The following COBL variants were observed in gnomAD, a reference collection of about 807,000 sequenced individuals.
COBL encodes protein cordon-bleu.
Under a neutral mutation model 98.8 loss-of-function variants are expected in COBL, and 51 were observed. That is an observed-to-expected ratio of 0.52 (90% CI 0.41 to 0.65). The LOEUF (loss-of-function observed/expected upper bound fraction) is 0.65. COBL is among the 30% of genes least tolerant of loss of function. The pLI is 0.00. For missense variants in COBL, 1,617 were observed against 1,617.5 expected, an observed-to-expected ratio of 1.00 and a Z score of 0.01; for synonymous variants, 634 against 651.7, an observed-to-expected ratio of 0.97 and a Z score of 0.41.
chr7:51,058,478 G>T (rs1790985462), intron 7 of COBL, among the ~76,000 whole-genome samples: 1 of 151,976 alleles, frequency 6.6e-6, no homozygotes, highest in East Asian at 1.9e-4. Context: ...GCTTGAGCCT[G>T]GGAAATCGAG....
At chr7:51,267,152 C>T (rs911275915) in intron 1 of COBL, among the ~76,000 whole-genome samples, 4 of 152,182 alleles carry the variant, frequency 2.6e-5, no homozygotes, top group African/African-American at 9.6e-5. Flanking sequence ...AAATAAGTAT[C>T]TCATTTACTT....
intron 5 of COBL, among the ~76,000 whole-genome samples, chr7:51,154,712 T>A (rs1785938373): frequency 6.6e-6 from 1 of 152,150 alleles, no homozygotes; most frequent in Non-Finnish European, 1.5e-5. Flanking sequence ...AGGAGAGGAA[T>A]GGGCATGGGC....
intron 1 of COBL, among the ~76,000 whole-genome samples, chr7:51,256,657 C>A (rs1797229708): frequency 6.6e-6 from 1 of 152,188 alleles, no homozygotes; most frequent in Non-Finnish European, 1.5e-5. Context: ...TTTCACAGAT[C>A]CCAGGCAGAG....
At chr7:51,059,039 T>A (rs1365413831) in intron 7 of COBL, among the ~76,000 whole-genome samples, 1 of 152,180 alleles carries the variant, frequency 6.6e-6, no homozygotes, top group Non-Finnish European at 1.5e-5. Flanking sequence ...TGGGTGAGTA[T>A]AAGTGCACCT....
chr7:51,139,725 G>A (rs879851861), intron 5 of COBL, among the ~76,000 whole-genome samples: 6 of 152,176 alleles, frequency 3.9e-5, no homozygotes, highest in Non-Finnish European at 7.4e-5. Flanking sequence ...GAATTTGTGC[G>A]CAGAATTTAG....
At position 51,134,046 on chromosome 7, in the gene COBL, C is replaced by G. The variant is rs76206327; in HGVS notation, c.957+2112G>C. On this transcript the variant is annotated intron_variant, in intron 6 of 12. Coordinates refer to ENST00000265136, the MANE Select transcript of COBL (RefSeq NM_015198.5). Reference sequence around the variant, plus strand: ...ATGAACCTTTCCTCCTTGTTCAGGACACTGGTGTTAGTAACAGTTGCATAT... The same window carrying G: ...ATGAACCTTTCCTCCTTGTTCAGGAGACTGGTGTTAGTAACAGTTGCATAT... Among the ~76,000 whole-genome samples the G allele has an allele frequency of 5.7e-3, 869 of 152,270 alleles. 22 individuals are homozygous for G. In the South Asian group the frequency reaches 0.07, roughly 12 times the overall value.
chr7:51,101,327 G>C (rs1333358428), intron 6 of COBL, among the ~76,000 whole-genome samples: 2 of 152,178 alleles, frequency 1.3e-5, no homozygotes, highest in Non-Finnish European at 2.9e-5. Context: ...TATTAACATT[G>C]TCAGCCATAA....
chr7:51,292,688 C>T (rs1801020660), intron 1 of COBL, among the ~76,000 whole-genome samples: 1 of 152,236 alleles, frequency 6.6e-6, no homozygotes, highest in Non-Finnish European at 1.5e-5. Flanking sequence ...AGGGTCCCTC[C>T]TGTCTGGGAT....
At chr7:51,186,730 T>G (rs1043232453) in intron 4 of COBL, among the ~76,000 whole-genome samples, 5 of 152,222 alleles carry the variant, frequency 3.3e-5, no homozygotes, top group African/African-American at 1.2e-4. Context: ...TGGTCTATTT[T>G]TAGAGGTGAG....
At chr7:51,284,451 A>C (rs1800125327) in intron 1 of COBL, among the ~76,000 whole-genome samples, 1 of 152,166 alleles carries the variant, frequency 6.6e-6, no homozygotes, top group Non-Finnish European at 1.5e-5. Flanking sequence ...CAATCAAAGC[A>C]AAGACAAGCA....
chr7:51,068,477 T>C (rs1792184172), intron 7 of COBL, among the ~76,000 whole-genome samples: 1 of 152,216 alleles, frequency 6.6e-6, no homozygotes, highest in African/African-American at 2.4e-5. Flanking sequence ...AAACCTATAT[T>C]TTGCTAACTT....
chr7:51,061,798 G>A (rs963794966), intron 7 of COBL, among the ~76,000 whole-genome samples: 1 of 152,152 alleles, frequency 6.6e-6, no homozygotes, highest in African/African-American at 2.4e-5. Flanking sequence ...TTGAGCATCA[G>A]AGCTCCAGGT....
chr7:51,220,602 T>C (rs1793539769), intron 1 of COBL, among the ~76,000 whole-genome samples: 1 of 152,202 alleles, frequency 6.6e-6, no homozygotes, highest in South Asian at 2.1e-4. Flanking sequence ...ATTCACCTCG[T>C]GGGGTATTTC....
intron 7 of COBL, among the ~76,000 whole-genome samples, chr7:51,049,822 G>A (rs549810469): frequency 1.3e-5 from 2 of 152,296 alleles, no homozygotes; most frequent in South Asian, 4.1e-4. Context: ...CAGGAGGCAC[G>A]GTTTGGAGAG....
chr7:51,072,075 T>C (rs1162689062), intron 7 of COBL: 1 of 152,208 alleles, frequency 6.6e-6, no homozygotes, highest in East Asian at 1.9e-4. Context: ...ATTCCTTCAT[T>C]AGTCATAGCT....
chr7:51,060,006 C>T (rs1248354430), intron 7 of COBL, among the ~76,000 whole-genome samples: 3 of 152,142 alleles, frequency 2.0e-5, no homozygotes, highest in African/African-American at 7.2e-5. Context: ...ACAGGCCCTC[C>T]CTTCATCATG....
intron 5 of COBL, among the ~76,000 whole-genome samples, chr7:51,153,238 C>T (rs1165192675): frequency 6.6e-6 from 1 of 152,140 alleles, no homozygotes; most frequent in East Asian, 1.9e-4. Flanking sequence ...TGGTCTTAGG[C>T]TTTAAAATGC....
In COBL at chr7:51,166,224, GA is replaced by G. The variant is rs201745506; in HGVS notation, c.783+17877del. On this transcript the variant is annotated intron_variant, in intron 5 of 12. Coordinates refer to ENST00000265136, the MANE Select transcript of COBL (RefSeq NM_015198.5). ...ATTGACAAACCTTCAGCCAGATGAAGAAAAAAAGAGAGAAGATACAAATAAA... is the reference window on the plus strand; with the variant it reads ...ATTGACAAACCTTCAGCCAGATGAAGAAAAAAGAGAGAAGATACAAATAAA... Among the ~76,000 whole-genome samples, 935 of 151,504 alleles carry G rather than the reference GA, an allele frequency of 6.2e-3. 22 individuals carry two copies. The highest frequency in any genetic ancestry group is 0.035 in the East Asian group (179 of 5,178).
chr7:51,097,629 A>T (rs1470080080), intron 6 of COBL, among the ~76,000 whole-genome samples: 1 of 152,218 alleles, frequency 6.6e-6, no homozygotes, highest in Admixed American at 6.5e-5. Context: ...ATTCCAAAAA[A>T]TCAGTTTTGT....
Sources: allele counts gnomAD v4.1 joint callset (sites outside exome capture counted in the v4.1 genomes callset), GRCh38; gene constraint gnomAD v4.1.1; transcripts MANE v1.5; gene names NCBI Gene and HGNC (gene_info 2026-07-23, HGNC 2026-07-21).